ATP2C1: variants seen among roughly 807,000 people sequenced by gnomAD.
ATP2C1 encodes calcium-transporting ATPase type 2C member 1.
Under a neutral mutation model 120.5 loss-of-function variants are expected in ATP2C1, and 31 were observed. The ratio of observed to expected loss-of-function variants is 0.26; its 90% CI spans 0.19 to 0.35. The LOEUF is 0.35. Ranked by LOEUF, ATP2C1 falls within the 10% of genes least tolerant of loss-of-function variation. ATP2C1 has a pLI of 1.00. For missense variants in ATP2C1, 731 were observed against 1,107.5 expected, an observed-to-expected ratio of 0.66 and a Z score of 4.83; for synonymous variants, 351 against 358.7, an observed-to-expected ratio of 0.98 and a Z score of 0.24.
At chr3:130,908,330 A>T (rs1462436302) in intron 2 of ATP2C1, among the ~76,000 whole-genome samples, 1 of 152,140 alleles carries the variant, frequency 6.6e-6, no homozygotes, top group African/African-American at 2.4e-5. Flanking sequence ...CAAGAGGACT[A>T]GTTAAAATTG....
intron 2 of ATP2C1, among the ~76,000 whole-genome samples, chr3:130,925,330 T>C (rs893029244): frequency 2.0e-5 from 3 of 152,046 alleles, no homozygotes; most frequent in African/African-American, 4.8e-5. Context: ...CAAACTGTAG[T>C]GATTGTTTTT....
At chr3:131,015,182 C>T in intron 26 of ATP2C1, 1 of 701,256 alleles carries the variant, frequency 1.4e-6, no homozygotes, top group Non-Finnish European at 2.6e-6. Flanking sequence ...GGCTTTTTAC[C>T]TTGAAACATG....
intron 1 of ATP2C1, among the ~76,000 whole-genome samples, chr3:130,873,102 A>G (rs552972945): frequency 1.3e-5 from 2 of 152,350 alleles, no homozygotes; most frequent in Non-Finnish European, 2.9e-5. Context: ...TCCTACACTC[A>G]GAAATTAGGC....
chr3:130,855,668 A>G (rs1378659063), intron 1 of ATP2C1, among the ~76,000 whole-genome samples: 4 of 152,152 alleles, frequency 2.6e-5, no homozygotes, highest in African/African-American at 9.7e-5. Flanking sequence ...AGAGATGTAG[A>G]AAAAGGCCAT....
chr3:130,880,064 G>T (rs1462974939), intron 1 of ATP2C1, among the ~76,000 whole-genome samples: 1 of 152,156 alleles, frequency 6.6e-6, no homozygotes, highest in African/African-American at 2.4e-5. Flanking sequence ...GGTGTTCATG[G>T]TGGCTGGGAA....
At chr3:130,928,284 A>G (rs2059303954) in intron 2 of ATP2C1, 1 of 152,272 alleles carries the variant, frequency 6.6e-6, no homozygotes, top group Non-Finnish European at 1.5e-5. Flanking sequence ...GAGCATCTCA[A>G]AGCAGCCCTT....
intron 2 of ATP2C1, among the ~76,000 whole-genome samples, chr3:130,904,564 C>A (rs1576649465): frequency 6.6e-6 from 1 of 151,980 alleles, no homozygotes; most frequent in Admixed American, 6.6e-5. Flanking sequence ...AATAAATGTT[C>A]ATTTTAACCT....
In ATP2C1 at chr3:130,993,079, A is replaced by G. The variant is rs143109224; in HGVS notation, c.1890+78A>G. On this transcript the variant is annotated intron_variant, in intron 21 of 27. Coordinates refer to ENST00000510168, the MANE Select transcript of ATP2C1 (RefSeq NM_001378687.1). ...TTTACTTTTGTTATGTTTGCATTAC[A>G]GGGAGTAGAGCATCAAGGTCAGAAA... 5.9e-4 allele frequency: 738 copies of G among 1,261,524 alleles called. 5 individuals carry two copies. The South Asian group carries it at 7.9e-3, about 13-fold the overall frequency. 78.1% of individuals were successfully genotyped at this position (1,261,524 alleles called of 1,614,324 possible).
intron 19 of ATP2C1, 24 bp from the exon 20 acceptor site, chr3:130,980,558 C>T (rs1343587481): frequency 1.9e-6 from 3 of 1,576,286 alleles, no homozygotes; most frequent in Non-Finnish European, 8.7e-7. Flanking sequence ...TGGTTTATTA[C>T]ATTTTCTCTC....
chr3:131,015,893 T>C, intron 26 of ATP2C1: 2 of 588,428 alleles, frequency 3.4e-6, no homozygotes, highest in Admixed American at 2.5e-5. Context: ...AATGTATTAC[T>C]TAAAGGAACT....
intron 20 of ATP2C1, among the ~76,000 whole-genome samples, chr3:130,980,895 T>C (rs1317428390): frequency 2.0e-5 from 3 of 152,202 alleles, no homozygotes; most frequent in Non-Finnish European, 4.4e-5. Context: ...TGCAAAATTA[T>C]TAATTTTAGC....
chr3:130,865,973 C>T (rs962251401), intron 1 of ATP2C1, among the ~76,000 whole-genome samples: 1 of 152,042 alleles, frequency 6.6e-6, no homozygotes, highest in Non-Finnish European at 1.5e-5. Flanking sequence ...CTGAATTTTG[C>T]TCATTGAGAA....
intron 2 of ATP2C1, among the ~76,000 whole-genome samples, chr3:130,916,988 G>A (rs1048196239): frequency 2.0e-5 from 3 of 152,186 alleles, no homozygotes; most frequent in Admixed American, 6.5e-5. Flanking sequence ...ACACAAGTCC[G>A]TGACTTGTGA....
chr3:130,955,057 T>G lies in ATP2C1; in HGVS notation c.733T>G (p.Phe245Val), dbSNP rs2060520457. The change falls in exon 10 of 28, where the codon TTT (phenylalanine) becomes GTT (valine). Residue 245 changes from phenylalanine (F) to valine (V), a missense_variant. Physicochemically the swap from Phe to Val is conservative, Grantham distance 50. Transcript: ENST00000510168. ...AGAAAATTCTGAATTTGGGGAGGTT[T>G]TTAAAATGATGCAAGCAGAAGAGGT... ...TGENSEFGEVFKMMQAEEAPK... is the reference protein window; with the variant it reads ...TGENSEFGEVVKMMQAEEAPK... 1 of 1,611,980 alleles carries G rather than the reference T, an allele frequency of 6.2e-7. No homozygotes were observed. The highest frequency in any genetic ancestry group is 1.7e-5 in the Admixed American group (1 of 59,958).
intron 26 of ATP2C1, among the ~76,000 whole-genome samples, chr3:131,012,350 C>T (rs1577079286): frequency 6.6e-6 from 1 of 151,166 alleles, no homozygotes; most frequent in Admixed American, 6.6e-5. Flanking sequence ...CTCTGTCTCC[C>T]GGGTTCAAGC....
chr3:131,006,229 A>G (rs2063104024), downstream of ATP2C1, among the ~76,000 whole-genome samples: 1 of 152,166 alleles, frequency 6.6e-6, no homozygotes, highest in Non-Finnish European at 1.5e-5. Context: ...CTCCTGCCTC[A>G]GCCTCCCGAG....
intron 1 of ATP2C1, among the ~76,000 whole-genome samples, chr3:130,888,119 C>T (rs1399122844): frequency 2.0e-5 from 3 of 152,150 alleles, no homozygotes; most frequent in Non-Finnish European, 2.9e-5. Flanking sequence ...TGTGTCTAGA[C>T]GTGTCATCTA....
At chr3:130,941,291 T>A (rs940762382) in intron 7 of ATP2C1, among the ~76,000 whole-genome samples, 26 of 148,872 alleles carry the variant, frequency 1.7e-4, no homozygotes, top group African/African-American at 6.4e-4. Context: ...CACGCGCGCA[T>A]GCATGCGCGT....
chr3:130,925,268 C>A (rs549065090), intron 2 of ATP2C1, among the ~76,000 whole-genome samples: 1 of 152,254 alleles, frequency 6.6e-6, no homozygotes, highest in African/African-American at 2.4e-5. Flanking sequence ...ATGGGGTTCT[C>A]CCTTGATGTG....
Sources: gnomAD v4.1 joint callset for allele counts (sites outside exome capture counted in the v4.1 genomes callset) on GRCh38, gnomAD v4.1.1 for gene constraint, MANE v1.5 for transcripts, NCBI Gene and HGNC (gene_info 2026-07-23, HGNC 2026-07-21) for gene names.